PCDHA7: variants seen among roughly 807,000 people sequenced by gnomAD.
The protein encoded by PCDHA7 is protocadherin alpha 7, also known as protocadherin alpha-7.
In PCDHA7, 37 loss-of-function variants were observed where a neutral mutation model predicts 57.2. That is an observed-to-expected ratio of 0.65 (90% CI 0.50 to 0.85). The LOEUF is 0.85. Among genes scored for constraint, PCDHA7 ranks in the 40% least tolerant of loss-of-function variants. PCDHA7 has a pLI of 0.00. For missense variants in PCDHA7, 1,188 were observed against 1,241.8 expected, an observed-to-expected ratio of 0.96 and a Z score of 0.65; for synonymous variants, 553 against 558.8, an observed-to-expected ratio of 0.99 and a Z score of 0.15.
chr5:140,993,462 TCACA>T (rs3836747), intron 3 of PCDHA7, among the ~76,000 whole-genome samples: 18,508 of 140,892 alleles, frequency 0.13, 1,341 homozygotes, highest in African/African-American at 0.21. Flanking sequence ...TCTTTCTTTC[TCACA>T]CACACACACA....
chr5:140,977,067 A>G (rs2096744217), intron 1 of PCDHA7, among the ~76,000 whole-genome samples: 1 of 152,250 alleles, frequency 6.6e-6, no homozygotes, highest in South Asian at 2.1e-4. Context: ...TATAGAAAAT[A>G]GCAGCATGAC....
At chr5:140,852,787 T>G in intron 1 of PCDHA7, 1 of 977,880 alleles carries the variant, frequency 1.0e-6, no homozygotes, top group Non-Finnish European at 1.2e-6. Context: ...AATAGAGGGA[T>G]GCTACAGATG....
At chr5:140,862,594 A>T (rs2047439169) in intron 1 of PCDHA7, 2 of 509,414 alleles carry the variant, frequency 3.9e-6, no homozygotes, top group Non-Finnish European at 8.0e-6. Context: ...GCCCGAGTAC[A>T]TGGTGTTCGT....
chr5:140,901,953 G>T (rs545807968), intron 1 of PCDHA7, among the ~76,000 whole-genome samples: 1 of 151,712 alleles, frequency 6.6e-6, no homozygotes, highest in African/African-American at 2.4e-5. Flanking sequence ...AGTTTTATTC[G>T]TGGCTATCGT....
intron 1 of PCDHA7, chr5:140,861,475 G>C: frequency 4.1e-6 from 2 of 492,480 alleles, no homozygotes; most frequent in South Asian, 1.6e-5. Flanking sequence ...CTGCAGAATG[G>C]CATTTTTGTG....
chr5:140,928,943 T>C, intron 1 of PCDHA7: 1 of 1,614,090 alleles, frequency 6.2e-7, no homozygotes, highest in Non-Finnish European at 8.5e-7. Flanking sequence ...AACTTGTATT[T>C]AGTAATTGCC....
chr5:140,944,569 G>A (rs2093670092), intron 1 of PCDHA7, among the ~76,000 whole-genome samples: 1 of 152,158 alleles, frequency 6.6e-6, no homozygotes, highest in African/African-American at 2.4e-5. Context: ...GCAACTTACT[G>A]TAGAGATCAC....
In PCDHA7 at chr5:140,850,228, G is replaced by A. The variant is rs199589192; in HGVS notation, c.2355+13490G>A. 517 of 1,593,874 alleles carry A rather than the reference G, an allele frequency of 3.2e-4. 25 individuals are homozygous for A. In the South Asian group the frequency reaches 5.4e-3, roughly 17 times the overall value. On this transcript the variant is annotated intron_variant, in intron 1 of 3. Coordinates refer to ENST00000525929, the MANE Select transcript of PCDHA7 (RefSeq NM_018910.3). ...ATGAGGGGCACTGACGGCGCAGTGA[G>A]CGAGATGGTGCTGCGGTCGGTGGGC...
chr5:140,945,182 A>G (rs2093754559), intron 1 of PCDHA7, among the ~76,000 whole-genome samples: 1 of 152,174 alleles, frequency 6.6e-6, no homozygotes, highest in Non-Finnish European at 1.5e-5. Context: ...ATAAATCAAG[A>G]AAACCATGCT....
intron 1 of PCDHA7, among the ~76,000 whole-genome samples, chr5:140,838,089 T>G (rs1418087315): frequency 1.6e-5 from 2 of 121,978 alleles, no homozygotes; most frequent in African/African-American, 6.2e-5. Context: ...TGTGTGTGTG[T>G]GTGTGTGTGT....
chr5:140,943,719 T>G (rs1198620937), intron 1 of PCDHA7, among the ~76,000 whole-genome samples: 2 of 152,126 alleles, frequency 1.3e-5, no homozygotes, highest in African/African-American at 4.8e-5. Context: ...TTTAAAGGTC[T>G]GAGAGAATGA....
chr5:140,967,707 C>G, intron 1 of PCDHA7: 1 of 1,614,158 alleles, frequency 6.2e-7, no homozygotes, highest in Non-Finnish European at 8.5e-7. Flanking sequence ...GATGCCAGTA[C>G]CGGGGAAGTG....
chr5:140,862,720 G>T (rs558152493), intron 1 of PCDHA7: 18 of 566,048 alleles, frequency 3.2e-5, no homozygotes, highest in Non-Finnish European at 6.2e-5. Flanking sequence ...GGGCGAGTGC[G>T]CGCTGTCTAG....
At chr5:140,891,022 G>C (rs2062905127) in intron 1 of PCDHA7, among the ~76,000 whole-genome samples, 1 of 151,804 alleles carries the variant, frequency 6.6e-6, no homozygotes, top group South Asian at 2.1e-4. Context: ...TTTTCTGAGG[G>C]TATAATCTTA....
chr5:140,853,968 T>C lies in PCDHA7; in HGVS notation c.2355+17230T>C. On this transcript the variant is annotated intron_variant, in intron 1 of 3. Transcript: ENST00000525929. ...AGGGTCCCTTCCTTGAGCCCAGCAG[T>C]TTGAGACCAATGTAGTGAGACTCAT... 9 of 656,022 alleles carry C rather than the reference T, an allele frequency of 1.4e-5. 1 individual carries two copies. The highest frequency in any genetic ancestry group is 1.7e-5 in the Non-Finnish European group (9 of 516,032). 40.6% of individuals were successfully genotyped at this position (656,022 alleles called of 1,614,324 possible).
intron 3 of PCDHA7, among the ~76,000 whole-genome samples, chr5:141,000,391 C>CTATATA (rs2097912428): frequency 7.1e-5 from 4 of 56,662 alleles, no homozygotes; most frequent in Non-Finnish European, 1.2e-4. Flanking sequence ...CTCTCTCTCT[C>CTATATA]TCTCTATATA....
intron 3 of PCDHA7, among the ~76,000 whole-genome samples, chr5:141,000,477 G>C (rs1191359491): frequency 1.5e-5 from 2 of 132,058 alleles, no homozygotes; most frequent in African/African-American, 5.8e-5. Context: ...GCCCAAGCTG[G>C]AGTGCAATGG....
chr5:140,921,057 C>G (rs2079994477), intron 1 of PCDHA7, among the ~76,000 whole-genome samples: 1 of 151,924 alleles, frequency 6.6e-6, no homozygotes, highest in African/African-American at 2.4e-5. Flanking sequence ...ATAGCTCACT[C>G]TAACCTTGAA....
intron 1 of PCDHA7, chr5:140,881,332 C>G (rs923599590): frequency 1.0e-6 from 1 of 984,540 alleles, no homozygotes; most frequent in East Asian, 1.1e-4. Context: ...TTAACCAGGA[C>G]GCCGATTCGG....
Sources: allele counts gnomAD v4.1 joint callset (sites outside exome capture counted in the v4.1 genomes callset), GRCh38; gene constraint gnomAD v4.1.1; transcripts MANE v1.5; gene names NCBI Gene and HGNC (gene_info 2026-07-23, HGNC 2026-07-21).